The following RAD51B variants were observed in gnomAD, a reference collection of about 807,000 sequenced individuals.
The protein encoded by RAD51B is DNA repair protein RAD51 homolog 2.
In RAD51B, 38 loss-of-function variants were observed where a neutral mutation model predicts 42.2. The ratio of observed to expected loss-of-function variants is 0.90; its 90% CI spans 0.70 to 1.18. The LOEUF is 1.18. RAD51B is among the 50% of genes most tolerant of loss of function. RAD51B has a pLI of 0.00. For synonymous variants in RAD51B, 154 were observed against 145.2 expected, an observed-to-expected ratio of 1.06 and a Z score of -0.43; for missense variants, 373 against 400.7, an observed-to-expected ratio of 0.93 and a Z score of 0.59.
At chr14:67,945,487 TTTTG>T (rs763776046) in intron 7 of RAD51B, among the ~76,000 whole-genome samples, 12 of 152,064 alleles carry the variant, frequency 7.9e-5, no homozygotes, top group Non-Finnish European at 1.8e-4. Flanking sequence ...AAGAGTTGTT[TTTTG>T]TTTGTTTGTT....
At chr14:68,638,933 G>A (rs1892398884) in intron 10 of RAD51B, among the ~76,000 whole-genome samples, 1 of 152,206 alleles carries the variant, frequency 6.6e-6, no homozygotes, top group East Asian at 1.9e-4. Flanking sequence ...AGATTTGACA[G>A]AAGTGCAAGA....
At position 68,018,568 on chromosome 14, in the gene RAD51B, G is replaced by A. The variant is rs181702566; in HGVS notation, c.756+131364G>A. On this transcript the variant is annotated intron_variant, in intron 7 of 10. Coordinates refer to ENST00000471583, the MANE Select transcript of RAD51B (RefSeq NM_133510.4). ...ATATTTTTATGGGGGAGAAATTGAA[G>A]CATTCCATTATATTGTAGGAATTCC... 2.0e-3 allele frequency among the ~76,000 whole-genome samples: 305 copies of A among 152,250 alleles called. 1 individual carries two copies. Among genetic ancestry groups the A allele is most frequent in the Non-Finnish European group, 3.9e-3 (264 of 68,008 alleles).
At chr14:68,331,106 G>A (rs974157165) in intron 8 of RAD51B, among the ~76,000 whole-genome samples, 22 of 152,076 alleles carry the variant, frequency 1.4e-4, no homozygotes, top group Non-Finnish European at 2.5e-4. Flanking sequence ...GCTCACGCCT[G>A]TAATCCCAGC....
intron 1 of RAD51B, among the ~76,000 whole-genome samples, chr14:67,821,794 T>A (rs1485958513): frequency 6.6e-6 from 1 of 152,096 alleles, no homozygotes; most frequent in Non-Finnish European, 1.5e-5. Flanking sequence ...CTTTTTTTTT[T>A]TAAATTGAAT....
intron 8 of RAD51B, among the ~76,000 whole-genome samples, chr14:68,409,902 A>AT (rs1257097728): frequency 6.6e-6 from 1 of 152,186 alleles, no homozygotes; most frequent in Non-Finnish European, 1.5e-5. Context: ...GTTACCCCAA[A>AT]TTTTATTCTT....
At chr14:68,207,891 C>T (rs890128013) in intron 7 of RAD51B, among the ~76,000 whole-genome samples, 2 of 151,846 alleles carry the variant, frequency 1.3e-5, no homozygotes, top group African/African-American at 2.4e-5. Context: ...AGTCAGCTCA[C>T]GTTAATTAAT....
chr14:68,002,548 C>G (rs1304085614), intron 7 of RAD51B, among the ~76,000 whole-genome samples: 1 of 152,164 alleles, frequency 6.6e-6, no homozygotes, highest in Non-Finnish European at 1.5e-5. Context: ...TCTCATTTGT[C>G]AAGTTTTGCT....
intron 7 of RAD51B, among the ~76,000 whole-genome samples, chr14:67,935,359 C>G (rs2044898796): frequency 6.6e-6 from 1 of 152,098 alleles, no homozygotes; most frequent in Non-Finnish European, 1.5e-5. Context: ...TCTACAAATA[C>G]AACTCTTAAA....
At chr14:68,603,834 C>T (rs1427511001) in intron 10 of RAD51B, among the ~76,000 whole-genome samples, 1 of 152,238 alleles carries the variant, frequency 6.6e-6, no homozygotes, top group Non-Finnish European at 1.5e-5. Context: ...CGCGCTGGCC[C>T]CCTGTCCGCA....
Position 68,642,115 on chromosome 14 carries a change from C to G in RAD51B, c.1037-8666C>G, listed in dbSNP as rs552433165. ...TTTGTTATTAGGGTAATCCTGGCCT[C>G]ATAGAATGAGTTAGGAGGTATGCCC... On this transcript the variant is annotated intron_variant, in intron 10 of 11. Transcript: ENST00000488612. Among the ~76,000 whole-genome samples the G allele has an allele frequency of 9.8e-4, 149 of 152,290 alleles. No individual in the cohort carries two copies. The Middle Eastern group carries it at 0.014, about 14-fold the overall frequency.
intron 7 of RAD51B, among the ~76,000 whole-genome samples, chr14:67,919,481 C>G (rs1324930284): frequency 1.3e-5 from 2 of 152,222 alleles, no homozygotes; most frequent in East Asian, 3.8e-4. Context: ...CCAGAGGAAT[C>G]TGCAAGCTGA....
At chr14:68,323,052 C>G (rs867278376) in intron 8 of RAD51B, among the ~76,000 whole-genome samples, 1 of 152,284 alleles carries the variant, frequency 6.6e-6, no homozygotes, top group Middle Eastern at 3.4e-3. Context: ...TCTCTTGTTT[C>G]TAGGGGCAGC....
chr14:68,569,667 T>C (rs981111135), intron 10 of RAD51B, among the ~76,000 whole-genome samples: 3 of 152,206 alleles, frequency 2.0e-5, no homozygotes, highest in Admixed American at 2.0e-4. Flanking sequence ...ACGTCCCTTA[T>C]TGATGTGATT....
chr14:68,160,028 CAT>C (rs1452933016), intron 7 of RAD51B, among the ~76,000 whole-genome samples: 1 of 151,924 alleles, frequency 6.6e-6, no homozygotes, highest in Non-Finnish European at 1.5e-5. Context: ...GCATTTGAAA[CAT>C]GTGAGAACAC....
intron 7 of RAD51B, among the ~76,000 whole-genome samples, chr14:67,916,480 G>A (rs901920806): frequency 2.0e-5 from 3 of 151,986 alleles, no homozygotes; most frequent in Admixed American, 6.6e-5. Context: ...GGCCTCAAGT[G>A]ATCCTCCTTG....
At chr14:68,594,693 C>A in exon 11 of RAD51B, 1 of 1,274,524 alleles carries the variant, frequency 7.8e-7, no homozygotes, top group Admixed American at 3.0e-5. Flanking sequence ...CCTCCCAAAG[C>A]GCTAGGATTA....
intron 5 of RAD51B, among the ~76,000 whole-genome samples, chr14:67,871,316 C>A (rs142331065): frequency 2.0e-5 from 3 of 150,900 alleles, no homozygotes; most frequent in African/African-American, 7.4e-5. Context: ...CACCTCTATG[C>A]AAATAAACTA....
At chr14:67,872,814 A>G (rs1566935345) in intron 5 of RAD51B, among the ~76,000 whole-genome samples, 2 of 151,614 alleles carry the variant, frequency 1.3e-5, no homozygotes, top group South Asian at 4.2e-4. Flanking sequence ...TCTTTGACAA[A>G]CCTGAGAAAA....
At chr14:68,535,155 A>G (rs1887543573) in intron 10 of RAD51B, among the ~76,000 whole-genome samples, 1 of 152,158 alleles carries the variant, frequency 6.6e-6, no homozygotes, top group South Asian at 2.1e-4. Context: ...GTACAGAACA[A>G]TCTCAAAGTA....
Sources: gnomAD v4.1 joint callset for allele counts (sites outside exome capture counted in the v4.1 genomes callset) on GRCh38, gnomAD v4.1.1 for gene constraint, MANE v1.5 for transcripts, NCBI Gene and HGNC (gene_info 2026-07-23, HGNC 2026-07-21) for gene names.